WDPCP: variants seen among roughly 807,000 people sequenced by gnomAD.
WDPCP encodes the protein WD repeat-containing and planar cell polarity effector protein fritz homolog.
Under a neutral mutation model 93.1 loss-of-function variants are expected in WDPCP, and 71 were observed. The observed-to-expected ratio is 0.76, with a 90% CI of 0.63 to 0.93. The LOEUF is 0.93. WDPCP is among the 40% of genes least tolerant of loss of function. The probability of loss-of-function intolerance (pLI) is 0.00; values close to 1 mark genes in which losing one functional copy is unlikely to be tolerated. For missense variants in WDPCP, 844 were observed against 887.4 expected (o/e 0.95, Z 0.62); for synonymous variants, 315 against 315.0 (o/e 1.00, Z 0.00).
At chr2:63,588,869 A>C (rs535423079), upstream of WDPCP, 366 of 782,932 alleles carry the variant, frequency 4.7e-4, 1 homozygote, top group African/African-American at 5.0e-3. Context: ...TGCTTTGGAG[A>C]TTGCGCCACA....
intron 15 of WDPCP, among the ~76,000 whole-genome samples, chr2:63,158,984 A>AG (rs1205979981): frequency 6.6e-5 from 7 of 106,690 alleles, no homozygotes; most frequent in African/African-American, 1.6e-4. Flanking sequence ...AAAAAAAAAA[A>AG]AAAAAAAAAA....
chr2:63,716,575 A>C (rs1286450358), intron 2 of WDPCP, among the ~76,000 whole-genome samples: 1 of 152,168 alleles, frequency 6.6e-6, no homozygotes, highest in Non-Finnish European at 1.5e-5. Context: ...TGAGTTGTCC[A>C]CCCATTTTGT....
rs1694371197 is a variant in WDPCP at position 63,404,183 on chromosome 2, C to G, written c.1300G>C (p.Ala434Pro). The change falls in exon 10 of 18, where the codon GCC becomes CCC. Residue 434 changes from alanine (A) to proline (P), a missense_variant. Transcript: ENST00000272321. ...ETLQFSKLFD[A>P]SSSLVQMQWI... ...TGCATTTGAACAAGACTGCTGGAGG[C>G]ATCAAATAATTTACTGAATTGCAGA... The G allele has an allele frequency of 6.2e-7, 1 of 1,614,040 alleles. No homozygotes were observed. Among genetic ancestry groups the G allele is most frequent in the Non-Finnish European group, 8.5e-7 (1 of 1,179,984 alleles).
At chr2:63,239,957 A>G (rs972396027) in intron 14 of WDPCP, among the ~76,000 whole-genome samples, 7 of 152,208 alleles carry the variant, frequency 4.6e-5, no homozygotes, top group Admixed American at 2.6e-4. Context: ...ATTTTTTCAC[A>G]GAGTTATATG....
upstream of WDPCP, chr2:63,589,218 G>T (rs755396911): frequency 4.5e-6 from 7 of 1,572,558 alleles, no homozygotes; most frequent in South Asian, 1.1e-5. Context: ...GTAATGGGAA[G>T]GGATTGATTT....
chr2:63,334,939 AC>A (rs765366994), intron 12 of WDPCP, among the ~76,000 whole-genome samples: 1 of 152,194 alleles, frequency 6.6e-6, no homozygotes, highest in African/African-American at 2.4e-5. Flanking sequence ...TTCTACCCTG[AC>A]AATGTAAATT....
At chr2:63,697,248 C>T (rs1419577821) in intron 2 of WDPCP, among the ~76,000 whole-genome samples, 1 of 152,058 alleles carries the variant, frequency 6.6e-6, no homozygotes, top group Non-Finnish European at 1.5e-5. Context: ...ATATTTACAA[C>T]ATTTTGTGAA....
intron 3 of WDPCP, among the ~76,000 whole-genome samples, chr2:63,602,535 T>C (rs1299854507): frequency 6.6e-6 from 1 of 152,144 alleles, no homozygotes; most frequent in Non-Finnish European, 1.5e-5. Flanking sequence ...TACTGAAGTT[T>C]CACCAGTTTT....
intron 2 of WDPCP, among the ~76,000 whole-genome samples, chr2:63,808,676 T>G (rs1370512204): frequency 1.3e-5 from 2 of 152,174 alleles, no homozygotes; most frequent in Admixed American, 1.3e-4. Context: ...TGCAGTGGCG[T>G]GATCTCGGCT....
At chr2:63,532,888 T>C (rs1192537883) in intron 1 of WDPCP, among the ~76,000 whole-genome samples, 1 of 152,164 alleles carries the variant, frequency 6.6e-6, no homozygotes, top group South Asian at 2.1e-4. Context: ...ATGGGCTAAA[T>C]GCTCTAATTA....
At chr2:63,294,735 G>T (rs1368832903) in intron 13 of WDPCP, among the ~76,000 whole-genome samples, 1 of 149,622 alleles carries the variant, frequency 6.7e-6, no homozygotes, top group Non-Finnish European at 1.5e-5. Context: ...GCCATACAAA[G>T]AAAAAAAAAC....
At chr2:63,609,904 G>C (rs1331790540) in intron 3 of WDPCP, among the ~76,000 whole-genome samples, 1 of 152,150 alleles carries the variant, frequency 6.6e-6, no homozygotes, top group Non-Finnish European at 1.5e-5. Flanking sequence ...TATGAAGAAA[G>C]TATGTATATA....
chr2:63,582,256 C>T (rs115916358), intron 1 of WDPCP, among the ~76,000 whole-genome samples: 6,510 of 151,932 alleles, frequency 0.043, 232 homozygotes, highest in Non-Finnish European at 0.063. Context: ...CACATAAAAA[C>T]AATATGTGAA....
At position 63,382,028 on chromosome 2, in the gene WDPCP, A is replaced by T; in HGVS notation, c.1502T>A (p.Ile501Asn). The change falls in exon 11 of 18, where the codon ATC becomes AAC. Residue 501 changes from isoleucine (I) to asparagine (N), a missense_variant. Coordinates refer to ENST00000272321, the MANE Select transcript of WDPCP (RefSeq NM_015910.7). ...IIFQYIHCDE[I>N]YEAINILSSM... ...GCTCAGGATGTTTATTGCCTCATAG[A>T]TCTCATCACAGTGAATGTACTGGAA... The T allele has an allele frequency of 6.2e-7, 1 of 1,613,464 alleles. No individual in the cohort carries two copies. The highest frequency in any genetic ancestry group is 8.5e-7 in the Non-Finnish European group (1 of 1,179,706).
At chr2:63,742,951 G>A (rs527560080) in intron 2 of WDPCP, among the ~76,000 whole-genome samples, 3 of 151,956 alleles carry the variant, frequency 2.0e-5, no homozygotes, top group South Asian at 2.1e-4. Context: ...GCAGGTGAAC[G>A]GAAAGAAGGG....
chr2:63,167,675 T>C (rs1673084076), intron 15 of WDPCP, among the ~76,000 whole-genome samples: 1 of 152,372 alleles, frequency 6.6e-6, no homozygotes, highest in African/African-American at 2.4e-5. Context: ...ATACCTTTTT[T>C]GTAAATAGTC....
At chr2:63,172,421 T>A (rs988613877) in intron 15 of WDPCP, among the ~76,000 whole-genome samples, 3 of 152,010 alleles carry the variant, frequency 2.0e-5, no homozygotes, top group Non-Finnish European at 4.4e-5. Flanking sequence ...GGTGGGATAA[T>A]CACCTGAGCC....
At chr2:63,702,855 A>C (rs1159682163) in intron 2 of WDPCP, among the ~76,000 whole-genome samples, 1 of 151,786 alleles carries the variant, frequency 6.6e-6, no homozygotes, top group East Asian at 1.9e-4. Context: ...ATATCTCCTA[A>C]AGCTATCCCT....
chr2:63,282,220 C>T (rs114156073), intron 13 of WDPCP, among the ~76,000 whole-genome samples: 2,282 of 152,182 alleles, frequency 0.015, 62 homozygotes, highest in African/African-American at 0.052. Flanking sequence ...TAAAAACAGA[C>T]ATGGGCTCGG....
Sources: allele counts gnomAD v4.1 joint callset (sites outside exome capture counted in the v4.1 genomes callset), GRCh38; gene constraint gnomAD v4.1.1; transcripts MANE v1.5; gene names NCBI Gene and HGNC (gene_info 2026-07-23, HGNC 2026-07-21).